OC90: variants seen among roughly 807,000 people sequenced by gnomAD.
OC90 encodes otoconin-90.
Under a neutral mutation model 47.3 loss-of-function variants are expected in OC90, and 46 were observed. The ratio of observed to expected loss-of-function variants is 0.97; its 90% CI spans 0.77 to 1.24. The LOEUF is 1.24. Among genes scored for constraint, OC90 ranks in the 50% most tolerant of loss-of-function variants. The pLI is 0.00. For missense variants in OC90, 688 were observed against 583.9 expected, an observed-to-expected ratio of 1.18 and a Z score of -1.84; for synonymous variants, 271 against 219.5, an observed-to-expected ratio of 1.23 and a Z score of -2.07.
In OC90 at chr8:132,041,604, G is replaced by A; in HGVS notation, c.265C>T (p.Leu89Phe). The stretch of plus-strand genomic sequence containing the variant: ...TAGTCTTCAAAGTCTCGGGGGCAGA[G>A]ACCAGCCACACACTTCATACCATTG... ...FVNGMKCVAG[L>F]CPRDFEDYGC... Residue 89 changes from leucine (L) to phenylalanine (F), a missense_variant, in exon 5 of 14, where the codon CTC (leucine) becomes TTC (phenylalanine). Coordinates refer to ENST00000254627, the MANE Select transcript of OC90 (RefSeq NM_001080399.3). 1 of 1,611,498 alleles carries A rather than the reference G, an allele frequency of 6.2e-7. No homozygotes were observed. The highest frequency in any genetic ancestry group is 8.5e-7 in the Non-Finnish European group (1 of 1,179,290).
intron 2 of OC90, among the ~76,000 whole-genome samples, chr8:132,052,846 T>C (rs530068233): frequency 1.8e-4 from 28 of 152,348 alleles, no homozygotes; most frequent in African/African-American, 6.5e-4. Flanking sequence ...GCAAGGCACA[T>C]TCTGTCATTA....
intron 6 of OC90, 108 bp from the exon 7 acceptor site, chr8:132,039,231 TC>T: frequency 8.4e-7 from 1 of 1,197,228 alleles, no homozygotes; most frequent in Admixed American, 2.0e-5. Flanking sequence ...AAAATCCCAC[TC>T]CCCTTGCAAT....
In OC90 at chr8:132,032,310, A is replaced by G. The variant is rs374454668; in HGVS notation, c.860-258T>C. Among the ~76,000 whole-genome samples, 7 of 152,168 alleles carry G rather than the reference A, an allele frequency of 4.6e-5. No homozygotes were observed. In the East Asian group the frequency reaches 5.8e-4, roughly 13 times the overall value. On this transcript the variant is annotated intron_variant, in intron 11 of 13. Coordinates refer to ENST00000254627, the MANE Select transcript of OC90 (RefSeq NM_001080399.3). ...ATAAGACTCCTTATTAAATCCCCTT[A>G]AGGGATGGAGACTTGTCAGGACCCA...
chr8:132,024,599 C>A lies in OC90; in HGVS notation c.1316G>T (p.Gly439Val). ...CTCGCTGTCCTCCTCAGAGCTGGAG[C>A]CCAGGGTGGGGGCTGCGGGCACAGG... ...LHPVPAAPTL[G>V]SSSEEDSEED... The change falls in exon 14 of 14, where the codon GGC becomes GTC. Residue 439 changes from glycine to valine, a missense_variant. Coordinates refer to ENST00000254627, the MANE Select transcript of OC90 (RefSeq NM_001080399.3). The A allele has an allele frequency of 6.2e-6, 10 of 1,613,608 alleles. No homozygotes were observed. The highest frequency in any genetic ancestry group is 7.6e-6 in the Non-Finnish European group (9 of 1,179,738).
At chr8:132,027,612 C>G (rs1364939152) in intron 13 of OC90, among the ~76,000 whole-genome samples, 1 of 152,202 alleles carries the variant, frequency 6.6e-6, no homozygotes, top group Non-Finnish European at 1.5e-5. Flanking sequence ...GGAAATGGAG[C>G]TGGAGAATGC....
At chr8:132,036,843 A>G (rs939851522) in intron 9 of OC90, among the ~76,000 whole-genome samples, 4 of 152,236 alleles carry the variant, frequency 2.6e-5, no homozygotes, top group Admixed American at 2.6e-4. Context: ...GTGTATAAGC[A>G]TTAAATTAGA....
In OC90 at chr8:132,032,063, C is replaced by T. The variant is rs367838327; in HGVS notation, c.860-11G>A. ...TGAATCTGTCACAGGCTGAAAGGAA[C>T]AGGAATTGTCAGGAGAGCAAGGACT... On this transcript the variant is annotated splice_polypyrimidine_tract_variant and intron_variant, in intron 11 of 13. Coordinates refer to ENST00000254627, the MANE Select transcript of OC90 (RefSeq NM_001080399.3). The T allele has an allele frequency of 8.7e-6, 14 of 1,611,924 alleles. No individual in the cohort carries two copies. Among genetic ancestry groups the T allele is most frequent in the Non-Finnish European group, 1.2e-5 (14 of 1,178,626 alleles).
intron 2 of OC90, among the ~76,000 whole-genome samples, chr8:132,052,097 A>C (rs961895523): frequency 1.3e-5 from 2 of 152,118 alleles, no homozygotes; most frequent in African/African-American, 4.8e-5. Context: ...ATGGGAGCTG[A>C]CCACGCATTT....
chr8:132,049,628 A>T (rs1373231338), intron 2 of OC90, among the ~76,000 whole-genome samples: 3 of 152,216 alleles, frequency 2.0e-5, no homozygotes, highest in Non-Finnish European at 4.4e-5. Flanking sequence ...CTCTCAGAAC[A>T]TGGATAGTAT....
chr8:132,044,610 T>C (rs1370357478), intron 3 of OC90, 121 bp from the exon 4 acceptor site: 2 of 647,246 alleles, frequency 3.1e-6, no homozygotes, highest in African/African-American at 3.7e-5. Context: ...AAAATTGACC[T>C]TGGGCTAAGC....
intron 12 of OC90, among the ~76,000 whole-genome samples, chr8:132,029,822 G>T (rs1425335662): frequency 6.6e-6 from 1 of 152,190 alleles, no homozygotes; most frequent in Admixed American, 6.5e-5. Context: ...CCCTTGCCAG[G>T]TGGACATCCT....
intron 12 of OC90, among the ~76,000 whole-genome samples, chr8:132,030,998 G>A (rs868414021): frequency 1.3e-5 from 2 of 152,076 alleles, no homozygotes; most frequent in Non-Finnish European, 1.5e-5. Flanking sequence ...CATACCATCC[G>A]AGAAGGACAT....
At chr8:132,042,161 A>T (rs1310661035) in intron 4 of OC90, among the ~76,000 whole-genome samples, 2 of 152,072 alleles carry the variant, frequency 1.3e-5, no homozygotes, top group Non-Finnish European at 2.9e-5. Context: ...TCTACCTTGA[A>T]TGTGGATGAG....
chr8:132,038,137 A>G (rs1262909538), intron 8 of OC90, among the ~76,000 whole-genome samples: 3 of 152,204 alleles, frequency 2.0e-5, no homozygotes, highest in African/African-American at 4.8e-5. Flanking sequence ...GATCATGGAA[A>G]CTGGTGAACA....
intron 2 of OC90, among the ~76,000 whole-genome samples, chr8:132,046,243 T>TAAACACATGAA (rs1823131346): frequency 6.6e-6 from 1 of 151,452 alleles, no homozygotes; most frequent in Non-Finnish European, 1.5e-5. Context: ...TGGAAAGAGG[T>TAAACACATGAA]AAATACCCCA....
At chr8:132,041,817 C>G in intron 4 of OC90, 118 bp from the exon 5 acceptor site, 1 of 596,402 alleles carries the variant, frequency 1.7e-6, no homozygotes, top group Admixed American at 3.1e-5. Context: ...TAGTAAGCAC[C>G]TACTCTGTAA....
chr8:132,028,571 G>GAAGC (rs1563727388), intron 13 of OC90, among the ~76,000 whole-genome samples: 4 of 16,108 alleles, frequency 2.5e-4, no homozygotes, highest in Non-Finnish European at 5.9e-4. Flanking sequence ...AGAAAGGAAG[G>GAAGC]AAGGAAGGAA....
At chr8:132,056,390 T>C (rs1823279817) in intron 1 of OC90, among the ~76,000 whole-genome samples, 1 of 152,210 alleles carries the variant, frequency 6.6e-6, no homozygotes, top group Admixed American at 6.5e-5. Context: ...CAATCACTAC[T>C]CTATGGACCT....
At chr8:132,053,024 C>A (rs1344373067) in intron 2 of OC90, among the ~76,000 whole-genome samples, 1 of 152,172 alleles carries the variant, frequency 6.6e-6, no homozygotes, top group African/African-American at 2.4e-5. Flanking sequence ...TTCTGGACAG[C>A]AAACTACTTC....
Sources: allele counts gnomAD v4.1 joint callset (sites outside exome capture counted in the v4.1 genomes callset), GRCh38; gene constraint gnomAD v4.1.1; transcripts MANE v1.5; gene names NCBI Gene and HGNC (gene_info 2026-07-23, HGNC 2026-07-21).